RPA1: variants seen among roughly 807,000 people sequenced by gnomAD.
RPA1 encodes replication protein A1.
In RPA1, 49 loss-of-function variants were observed where a neutral mutation model predicts 83.0. That is an observed-to-expected ratio of 0.59 (90% CI 0.47 to 0.75). The LOEUF is 0.75. RPA1 is among the 30% of genes least tolerant of loss of function. The pLI, the probability that RPA1 is intolerant of heterozygous loss-of-function variation, is 0.00. For synonymous variants in RPA1, 279 were observed against 281.8 expected (o/e 0.99, Z 0.10); for missense variants, 693 against 776.1 (o/e 0.89, Z 1.27).
chr17:1,865,465 CTG>C (rs1221586390), intron 5 of RPA1, among the ~76,000 whole-genome samples: 2 of 152,120 alleles, frequency 1.3e-5, no homozygotes, highest in Admixed American at 6.5e-5. Flanking sequence ...TAAAATATAA[CTG>C]AGATAATCAG....
At chr17:1,858,282 G>T (rs552087878) in intron 5 of RPA1, 1 of 1,611,412 alleles carries the variant, frequency 6.2e-7, no homozygotes, top group Non-Finnish European at 8.5e-7. Flanking sequence ...GGAGTAACAC[G>T]GCCGACATGC....
At chr17:1,830,685 C>G (rs1160956152) in intron 1 of RPA1, 2 of 152,334 alleles carry the variant, frequency 1.3e-5, no homozygotes, top group East Asian at 3.8e-4. Flanking sequence ...GCAGGTCTAT[C>G]CCCGTCTTAT....
At chr17:1,854,807 A>T (rs1484694638) in intron 5 of RPA1, among the ~76,000 whole-genome samples, 1 of 152,346 alleles carries the variant, frequency 6.6e-6, no homozygotes, top group Admixed American at 6.5e-5. Flanking sequence ...ATTTTTTTAC[A>T]TATTAAGGAA....
chr17:1,897,958 C>T lies in RPA1; in HGVS notation c.*783C>T, dbSNP rs1914508224. ...GTACTTTTTCTACCTGTACACATTC[C>T]TGCATTCATGTATTTTGTTTTTTTT... On this transcript the variant is annotated 3_prime_UTR_variant, in exon 17 of 17. Transcript: ENST00000254719. 6.6e-6 allele frequency: 1 copy of T among 152,408 alleles called. No homozygotes were observed. Among genetic ancestry groups the T allele is most frequent in the Non-Finnish European group, 1.5e-5 (1 of 68,030 alleles). The allele number at this position is 152,408 out of a possible 1,614,324, so 9.4% of individuals were successfully genotyped here.
chr17:1,877,826 T>C (rs2091311718), intron 8 of RPA1, among the ~76,000 whole-genome samples: 1 of 152,208 alleles, frequency 6.6e-6, no homozygotes, highest in Non-Finnish European at 1.5e-5. Flanking sequence ...GTGCAGATTC[T>C]CTATTTGCTT....
rs563739186 is a variant in RPA1 at position 1,899,636 on chromosome 17, A to T, written c.*2461A>T. The T allele has an allele frequency of 6.6e-6, 1 of 152,336 alleles. No individual in the cohort carries two copies. Among genetic ancestry groups the T allele is most frequent in the Non-Finnish European group, 1.5e-5 (1 of 68,036 alleles). The allele number at this position is 152,336 out of a possible 1,614,324, so 9.4% of individuals were successfully genotyped here. On this transcript the variant is annotated 3_prime_UTR_variant, in exon 17 of 17. Coordinates refer to ENST00000254719, the MANE Select transcript of RPA1 (RefSeq NM_002945.5). ...TGTTTCCTGAGTGGGCTGTCTTCAA[A>T]AAGTATAAATACTATTGATCGTGGT... is the stretch of plus-strand genomic sequence containing the variant.
chr17:1,880,069 T>A (rs1225011117), intron 11 of RPA1, among the ~76,000 whole-genome samples: 1 of 143,686 alleles, frequency 7.0e-6, no homozygotes, highest in Admixed American at 7.0e-5. Context: ...GAGGAGCTCC[T>A]GGGGTTGGGG....
rs1160103540 is a variant in RPA1, at chr17:1,899,895, A to T, written c.*2720A>T. ...GTAAACTGATTGTTTCCTTGTCTCA[A>T]AGGGAAGATTCCCCCCACTCCCCGG... On this transcript the variant is annotated 3_prime_UTR_variant, in exon 17 of 17. Transcript: ENST00000254719. 2 of 152,158 alleles carry T rather than the reference A, an allele frequency of 1.3e-5. No homozygotes were observed. The highest frequency in any genetic ancestry group is 2.9e-5 in the Non-Finnish European group (2 of 68,038). 9.4% of individuals were successfully genotyped at this position (152,158 alleles called of 1,614,324 possible).
chr17:1,896,965 C>CCAGAAGAA, intron 16 of RPA1, 106 bp from the exon 17 acceptor site: 1 of 870,158 alleles, frequency 1.1e-6, no homozygotes, highest in Non-Finnish European at 1.9e-6. Flanking sequence ...TGAACCCGTG[C>CCAGAAGAA]GTCTGTTCCC....
rs774857743 is a variant in RPA1, at chr17:1,872,572, C to T, written c.454+46C>T. On this transcript the variant is annotated intron_variant, in intron 6 of 16. Transcript: ENST00000254719. Reference sequence around the variant, plus strand: ...TGCGCTGACCAGGGGTGTCAGACTTCGGAATCATGTTTTGAAGTTGAATCT... The same window carrying T: ...TGCGCTGACCAGGGGTGTCAGACTTTGGAATCATGTTTTGAAGTTGAATCT... 3.4e-5 allele frequency: 54 copies of T among 1,599,868 alleles called. No homozygotes were observed. The East Asian group carries it at 3.6e-4, about 11-fold the overall frequency.
In RPA1 at chr17:1,849,484, G is replaced by T. The variant is rs577941292; in HGVS notation, c.273-3617G>T. ...ATTTTTTGTATTTTTAGTATAGACG[G>T]GGTTTCACTGTGTTAGCCAGGATGA... On this transcript the variant is annotated intron_variant, in intron 4 of 16. Transcript: ENST00000254719. 1.6e-3 allele frequency among the ~76,000 whole-genome samples: 242 copies of T among 151,848 alleles called. 1 individual carries two copies. Among genetic ancestry groups the T allele is most frequent in the Non-Finnish European group, 2.6e-3 (178 of 67,914 alleles).
At chr17:1,889,450 C>A (rs967110442) in intron 14 of RPA1, among the ~76,000 whole-genome samples, 2 of 151,946 alleles carry the variant, frequency 1.3e-5, no homozygotes, top group Non-Finnish European at 1.5e-5. Flanking sequence ...GTCCTTCCAC[C>A]TTGGCCTCCC....
intron 7 of RPA1, among the ~76,000 whole-genome samples, chr17:1,876,626 GAT>G (rs1913583578): frequency 1.3e-5 from 2 of 152,266 alleles, no homozygotes; most frequent in Admixed American, 1.3e-4. Flanking sequence ...AATCCTTCCA[GAT>G]ATGTTTATAT....
At chr17:1,879,896 C>T (rs1913718919) in intron 11 of RPA1, among the ~76,000 whole-genome samples, 197 bp downstream of exon 11, 1 of 147,218 alleles carries the variant, frequency 6.8e-6, no homozygotes, top group African/African-American at 2.5e-5. Flanking sequence ...GGCATCTTGT[C>T]CTATAGGATG....
At position 1,891,312 on chromosome 17, in the gene RPA1, A is replaced by C. The variant is rs560748553; in HGVS notation, c.1552-521A>C. On this transcript the variant is annotated intron_variant, in intron 14 of 16. Transcript: ENST00000254719. ...CTCTTCAGTTGTCTGGGTGCCCAGC[A>C]GTGACAGAGCCGTCTCATGGAACTC... 2.6e-5 allele frequency among the ~76,000 whole-genome samples: 4 copies of C among 152,344 alleles called. No homozygotes were observed. The South Asian group carries it at 8.3e-4, about 32-fold the overall frequency.
At chr17:1,874,738 G>A (rs916171758) in intron 6 of RPA1, among the ~76,000 whole-genome samples, 4 of 152,080 alleles carry the variant, frequency 2.6e-5, no homozygotes, top group African/African-American at 9.7e-5. Flanking sequence ...GATCTCTCTC[G>A]ACTCCCCAGT....
chr17:1,883,351 C>T (rs925676698), intron 12 of RPA1, among the ~76,000 whole-genome samples: 7 of 152,006 alleles, frequency 4.6e-5, no homozygotes, highest in Admixed American at 1.3e-4. Context: ...TTAGTAGAGA[C>T]GGGGTTTCAC....
chr17:1,892,100 G>A (rs914493137), intron 15 of RPA1, among the ~76,000 whole-genome samples, 160 bp downstream of exon 15: 4 of 151,552 alleles, frequency 2.6e-5, no homozygotes, highest in African/African-American at 9.7e-5. Context: ...TCCGCCTCCC[G>A]GGTTCAAGTG....
In RPA1 at chr17:1,897,398, CA is replaced by C. The variant is rs1914484726; in HGVS notation, c.*224del. On this transcript the variant is annotated 3_prime_UTR_variant, in exon 17 of 17. Transcript: ENST00000254719. ...ACTGTGTCAGGCCTACGGAGTCAGC[CA>C]GTGGCTAGCGCAAGACCAGTCACTC... 1 of 485,008 alleles carries C rather than the reference CA, an allele frequency of 2.1e-6. No individual in the cohort carries two copies. Among genetic ancestry groups the C allele is most frequent in the African/African-American group, 2.0e-5 (1 of 49,800 alleles). The allele number at this position is 485,008 out of a possible 1,614,324, so 30.0% of individuals were successfully genotyped here. A position where few individuals can be genotyped will look rare whatever the true frequency, so the allele number is the denominator to read the frequency against.
Sources: allele counts gnomAD v4.1 joint callset (sites outside exome capture counted in the v4.1 genomes callset), GRCh38; gene constraint gnomAD v4.1.1; transcripts MANE v1.5; gene names NCBI Gene and HGNC (gene_info 2026-07-23, HGNC 2026-07-21).